NLGN4X: variants seen among roughly 807,000 people sequenced by gnomAD.
NLGN4X encodes the protein neuroligin 4 X-linked, also known as neuroligin-4, X-linked.
A neutral mutation model predicts 40.3 loss-of-function variants in NLGN4X; 3 were observed. The observed-to-expected ratio is 0.07, with a 90% confidence interval of 0.03 to 0.19. NLGN4X has a LOEUF of 0.19. Among genes scored for constraint, NLGN4X ranks in the 10% least tolerant of loss-of-function variants. The pLI is 1.00. For synonymous variants in NLGN4X, 270 were observed against 306.8 expected (o/e 0.88, Z 1.25); for missense variants, 382 against 708.3 (o/e 0.54, Z 5.23).
chrX:6,170,293 C>T (rs1162567691), intron 1 of NLGN4X, among the ~76,000 whole-genome samples: 3 of 111,772 alleles, frequency 2.7e-5, no homozygotes, highest in African/African-American at 6.5e-5. Context: ...ATCTGAGCTA[C>T]CTAGATCCAT....
intron 5 of NLGN4X, among the ~76,000 whole-genome samples, chrX:5,900,202 A>C (rs762539395): frequency 5.3e-5 from 6 of 112,443 alleles, no homozygotes; most frequent in African/African-American, 1.9e-4. Flanking sequence ...ATGTGAGCTT[A>C]TTTGGAAATA....
At chrX:5,992,697 C>A (rs1408943493) in intron 3 of NLGN4X, among the ~76,000 whole-genome samples, 1 of 111,583 alleles carries the variant, frequency 9.0e-6, no homozygotes, top group Admixed American at 9.5e-5. Context: ...CTGGTGAGGC[C>A]TCAGGGAGCT....
intron 5 of NLGN4X, among the ~76,000 whole-genome samples, chrX:5,900,576 T>A (rs2031793995): frequency 1.4e-5 from 1 of 70,243 alleles, no homozygotes; most frequent in South Asian, 9.6e-4. Flanking sequence ...TTTTTTTTTT[T>A]TTTTTTTTTT....
At chrX:5,956,815 G>A (rs951920912) in intron 3 of NLGN4X, among the ~76,000 whole-genome samples, 1 of 112,229 alleles carries the variant, frequency 8.9e-6, no homozygotes, top group African/African-American at 3.2e-5. Context: ...AATGTATCCT[G>A]ATCTGTTGTC....
At chrX:5,993,295 C>T (rs144366185) in intron 3 of NLGN4X, among the ~76,000 whole-genome samples, 1,787 of 111,215 alleles carry the variant, frequency 0.016, 34 homozygotes, top group African/African-American at 0.056. Flanking sequence ...TTATACCTCA[C>T]TGGGGGCTAA....
At chrX:6,149,897 G>A (rs756082537) in intron 2 of NLGN4X, among the ~76,000 whole-genome samples, 29 of 108,739 alleles carry the variant, frequency 2.7e-4, no homozygotes, top group African/African-American at 9.4e-4. Flanking sequence ...GTGGATTAAC[G>A]TCGTTGTTGA....
intron 3 of NLGN4X, among the ~76,000 whole-genome samples, chrX:5,962,258 C>T (rs1227045486): frequency 8.9e-6 from 1 of 112,219 alleles, no homozygotes; most frequent in Non-Finnish European, 1.9e-5. Context: ...AGTCTCAAAA[C>T]ATACTCTGTT....
intron 1 of NLGN4X, among the ~76,000 whole-genome samples, chrX:6,153,855 G>A (rs973481762): frequency 8.9e-6 from 1 of 112,228 alleles, no homozygotes; most frequent in South Asian, 3.7e-4. Context: ...GGTCCTGATG[G>A]GCAGTGAGCG....
At chrX:6,082,948 G>GGTTTTTTTTTTTTTTTTTTTT (rs2038390927) in intron 2 of NLGN4X, among the ~76,000 whole-genome samples, 1 of 70,377 alleles carries the variant, frequency 1.4e-5, no homozygotes, top group African/African-American at 4.8e-5. Context: ...GCCATGATGC[G>GGTTTTTTTTTTTTTTTTTTTT]TTTTTTTCTT....
At chrX:6,073,397 TA>T (rs1278905093) in intron 2 of NLGN4X, among the ~76,000 whole-genome samples, 1 of 112,756 alleles carries the variant, frequency 8.9e-6, no homozygotes, top group Non-Finnish European at 1.9e-5. Flanking sequence ...TTCAAATATT[TA>T]AAATTAGAAT....
chrX:5,953,095 G>A (rs1652396763), intron 3 of NLGN4X, among the ~76,000 whole-genome samples: 1 of 111,069 alleles, frequency 9.0e-6, no homozygotes, highest in Admixed American at 9.6e-5. Context: ...CCTATCAGCC[G>A]GGCACAGGTT....
chrX:5,904,097 G>A (rs190075555), intron 4 of NLGN4X, among the ~76,000 whole-genome samples: 2 of 110,194 alleles, frequency 1.8e-5, no homozygotes, highest in East Asian at 5.8e-4. Context: ...ACACACACAC[G>A]AGTTTAAGGA....
intron 3 of NLGN4X, among the ~76,000 whole-genome samples, chrX:5,966,309 G>A (rs1438263885): frequency 8.9e-6 from 1 of 112,429 alleles, no homozygotes; most frequent in Non-Finnish European, 1.9e-5. Flanking sequence ...ATGATGTTGA[G>A]TCATGTGTAA....
At chrX:6,025,012 G>T (rs904807343) in intron 3 of NLGN4X, among the ~76,000 whole-genome samples, 8 of 111,370 alleles carry the variant, frequency 7.2e-5, no homozygotes, top group Non-Finnish European at 1.3e-4. Flanking sequence ...CCTCTCTTAG[G>T]GTCTGGATTA....
At chrX:6,194,323 G>A (rs184597002) in intron 1 of NLGN4X, among the ~76,000 whole-genome samples, 1 of 111,815 alleles carries the variant, frequency 8.9e-6, no homozygotes, top group African/African-American at 3.2e-5. Flanking sequence ...AGGACCATTC[G>A]GAGTTTTTCT....
chrX:5,919,629 C>T (rs1007203974), intron 3 of NLGN4X, among the ~76,000 whole-genome samples: 16 of 111,276 alleles, frequency 1.4e-4, no homozygotes, highest in Non-Finnish European at 3.0e-4. Context: ...GTCAGTTCAG[C>T]GGTGGCATTA....
At chrX:5,910,760 A>G (rs1017246134) in intron 3 of NLGN4X, among the ~76,000 whole-genome samples, 11 of 111,440 alleles carry the variant, frequency 9.9e-5, no homozygotes, top group Non-Finnish European at 1.9e-4. Context: ...TCGTTCAACA[A>G]TGACAATAAA....
chrX:5,930,394 C>A (rs2033504717), intron 3 of NLGN4X, among the ~76,000 whole-genome samples: 1 of 111,691 alleles, frequency 9.0e-6, no homozygotes, highest in African/African-American at 3.3e-5. Flanking sequence ...CAGGTAGATG[C>A]ACAAATCCTC....
intron 4 of NLGN4X, among the ~76,000 whole-genome samples, chrX:5,905,863 T>C (rs1004385834): frequency 2.7e-5 from 3 of 111,505 alleles, no homozygotes; most frequent in African/African-American, 9.8e-5. Flanking sequence ...CGCCATGTTG[T>C]TCAGGCTTGT....
Sources: gnomAD v4.1 joint callset for allele counts (sites outside exome capture counted in the v4.1 genomes callset) on GRCh38, gnomAD v4.1.1 for gene constraint, MANE v1.5 for transcripts, NCBI Gene and HGNC (gene_info 2026-07-23, HGNC 2026-07-21) for gene names.